Variants in MAP4K3 observed in about 807,000 individuals in gnomAD.
MAP4K3 encodes MAPK/ERK kinase kinase kinase 3.
A neutral mutation model predicts 143.5 loss-of-function variants in MAP4K3; 94 were observed. That is an observed-to-expected ratio of 0.65 (90% CI 0.55 to 0.78). MAP4K3 has a LOEUF of 0.78. Among genes scored for constraint, MAP4K3 ranks in the 30% least tolerant of loss-of-function variants. The pLI is 0.00. For missense variants in MAP4K3, 1,077 were observed against 1,068.1 expected (o/e 1.01, Z -0.12); for synonymous variants, 416 against 347.2 (o/e 1.20, Z -2.20).
chr2:39,326,116 C>G lies in MAP4K3; in HGVS notation c.662+30G>C, dbSNP rs559271405. 89 of 1,600,938 alleles carry G rather than the reference C, an allele frequency of 5.6e-5. 2 individuals are homozygous for G. The South Asian group carries it at 9.6e-4, about 17-fold the overall frequency. ...ATACTAAGAGGATAAAAACCTTAAG[C>G]GTAAGATTCTTCAATGATGATGCAC... On this transcript the variant is annotated intron_variant, in intron 9 of 33. Transcript: ENST00000263881.
intron 1 of MAP4K3, among the ~76,000 whole-genome samples, chr2:39,380,928 C>G (rs1490567166): frequency 6.6e-6 from 1 of 152,162 alleles, no homozygotes; most frequent in Admixed American, 6.5e-5. Context: ...AGAACACTTT[C>G]ATCACCTCAA....
intron 12 of MAP4K3, among the ~76,000 whole-genome samples, chr2:39,319,381 A>C (rs1041815977): frequency 3.3e-5 from 5 of 152,138 alleles, no homozygotes; most frequent in Non-Finnish European, 5.9e-5. Flanking sequence ...TTTGAACTGC[A>C]GAAGTCCACT....
chr2:39,321,578 A>G (rs1428020438), intron 12 of MAP4K3, among the ~76,000 whole-genome samples: 2 of 152,116 alleles, frequency 1.3e-5, no homozygotes, highest in African/African-American at 4.8e-5. Flanking sequence ...CCCGACACCC[A>G]TAAAGGGTCT....
chr2:39,254,335 G>A (rs979905437), intron 32 of MAP4K3, 115 bp downstream of exon 32: 2 of 776,190 alleles, frequency 2.6e-6, no homozygotes, highest in Admixed American at 2.1e-5. Context: ...ACTAAATACA[G>A]TAAGTATTAA....
intron 1 of MAP4K3, among the ~76,000 whole-genome samples, chr2:39,399,574 G>A (rs1055048800): frequency 3.9e-5 from 6 of 152,212 alleles, no homozygotes; most frequent in Non-Finnish European, 7.3e-5. Flanking sequence ...ACATAAATGA[G>A]TACAGCTGAT....
In MAP4K3 at chr2:39,268,904, C is replaced by T. The variant is rs12623945; in HGVS notation, c.1974-1657G>A. On this transcript the variant is annotated intron_variant, in intron 26 of 33. Coordinates refer to ENST00000263881, the MANE Select transcript of MAP4K3 (RefSeq NM_003618.4). Reference sequence around the variant, plus strand: ...ATCCACCGTGCCTGACTTCTACAAACATCTAAACTCTTTTTTTTAAAAAAA... The same window carrying T: ...ATCCACCGTGCCTGACTTCTACAAATATCTAAACTCTTTTTTTTAAAAAAA... Among the ~76,000 whole-genome samples the T allele has an allele frequency of 1.6e-3, 246 of 152,094 alleles. 5 individuals carry two copies. In the East Asian group the frequency reaches 0.044, roughly 27 times the overall value.
chr2:39,435,578 A>G (rs1665437889), intron 1 of MAP4K3, among the ~76,000 whole-genome samples: 1 of 152,232 alleles, frequency 6.6e-6, no homozygotes, highest in South Asian at 2.1e-4. Flanking sequence ...ACATGCTCTC[A>G]TAACCCTGAT....
At chr2:39,422,765 T>C (rs1664904046) in intron 1 of MAP4K3, among the ~76,000 whole-genome samples, 1 of 152,162 alleles carries the variant, frequency 6.6e-6, no homozygotes, top group Non-Finnish European at 1.5e-5. Flanking sequence ...TCACATCTTT[T>C]ACAAAAATTA....
chr2:39,272,954 G>A (rs1681092892), intron 24 of MAP4K3, among the ~76,000 whole-genome samples: 1 of 151,772 alleles, frequency 6.6e-6, no homozygotes, highest in South Asian at 2.1e-4. Context: ...GTATGATACA[G>A]GAAAAAGCAT....
intron 1 of MAP4K3, among the ~76,000 whole-genome samples, chr2:39,425,344 A>G (rs6544226): frequency 0.85 from 129,674 of 152,180 alleles, 59,096 homozygotes; most frequent in Non-Finnish European, 1. Context: ...AGAATAACAC[A>G]TATCTAGGAA....
chr2:39,437,070 G>T lies in MAP4K3; in HGVS notation c.-83C>A. On this transcript the variant is annotated 5_prime_UTR_variant, in exon 1 of 34. Coordinates refer to ENST00000263881, the MANE Select transcript of MAP4K3 (RefSeq NM_003618.4). ...GGGCCACACGGAGAGAGGGCGCCGC[G>T]GCCGGCTCCCGGCTCCCCCGGCGGT... 9.5e-7 allele frequency: 1 copy of T among 1,052,364 alleles called. No individual in the cohort carries two copies. Among genetic ancestry groups the T allele is most frequent in the African/African-American group, 1.7e-5 (1 of 58,262 alleles). 65.2% of individuals were successfully genotyped at this position (1,052,364 alleles called of 1,614,324 possible). A position where few individuals can be genotyped will look rare whatever the true frequency, so the allele number is the denominator to read the frequency against.
chr2:39,384,586 G>C (rs867996956), intron 1 of MAP4K3, among the ~76,000 whole-genome samples: 1 of 152,086 alleles, frequency 6.6e-6, no homozygotes, highest in African/African-American at 2.4e-5. Flanking sequence ...ACCCAGCATT[G>C]TCCAAAAGAA....
rs1458832313 is a variant in MAP4K3, at chr2:39,249,963, G to C, written c.*655C>G. ...AGAAAACAATCCAAATACATTTGTG[G>C]AGCCAAATGCTTATAGACAATGTCA... is the stretch of plus-strand genomic sequence containing the variant. On this transcript the variant is annotated 3_prime_UTR_variant, in exon 34 of 34. Transcript: ENST00000263881. The C allele has an allele frequency of 6.6e-6, 1 of 152,204 alleles. No individual in the cohort carries two copies. Among genetic ancestry groups the C allele is most frequent in the African/African-American group, 2.4e-5 (1 of 41,426 alleles). The allele number at this position is 152,204 out of a possible 1,614,324, so 9.4% of individuals were successfully genotyped here.
intron 31 of MAP4K3, among the ~76,000 whole-genome samples, chr2:39,255,704 T>C (rs547675126): frequency 5.9e-5 from 9 of 152,354 alleles, no homozygotes; most frequent in African/African-American, 1.7e-4. Flanking sequence ...TAAAAAATTA[T>C]TTGTAGAGAT....
At chr2:39,287,961 C>T (rs980359505) in intron 20 of MAP4K3, among the ~76,000 whole-genome samples, 160 bp downstream of exon 20, 7 of 152,224 alleles carry the variant, frequency 4.6e-5, no homozygotes, top group Admixed American at 4.6e-4. Context: ...CATAAAAACA[C>T]TTTAAGCTAG....
intron 2 of MAP4K3, among the ~76,000 whole-genome samples, chr2:39,374,757 G>C (rs545620734): frequency 1.3e-5 from 2 of 152,214 alleles, no homozygotes; most frequent in African/African-American, 4.8e-5. Context: ...AGAAGCAACA[G>C]TCAGACACCT....
At chr2:39,402,455 T>C (rs1178901539) in intron 1 of MAP4K3, among the ~76,000 whole-genome samples, 1 of 151,968 alleles carries the variant, frequency 6.6e-6, no homozygotes, top group African/African-American at 2.4e-5. Flanking sequence ...CATATCATAA[T>C]CAAATTGCTT....
At chr2:39,337,817 T>G (rs1665015377) in intron 4 of MAP4K3, among the ~76,000 whole-genome samples, 1 of 131,948 alleles carries the variant, frequency 7.6e-6, no homozygotes, top group East Asian at 2.5e-4. Context: ...GGCTGGAGTG[T>G]AGTGCAATCA....
intron 4 of MAP4K3, among the ~76,000 whole-genome samples, chr2:39,339,722 G>C (rs1405821340): frequency 6.6e-6 from 1 of 151,718 alleles, no homozygotes; most frequent in Non-Finnish European, 1.5e-5. Context: ...CCTCCTCTTA[G>C]AATTTGTCAC....
Sources: gnomAD v4.1 joint callset for allele counts (sites outside exome capture counted in the v4.1 genomes callset) on GRCh38, gnomAD v4.1.1 for gene constraint, MANE v1.5 for transcripts, NCBI Gene and HGNC (gene_info 2026-07-23, HGNC 2026-07-21) for gene names.